VKORC1L1: variants seen among roughly 807,000 people sequenced by gnomAD.
VKORC1L1 encodes vitamin K epoxide reductase complex subunit 1-like protein 1.
Under a neutral mutation model 18.9 loss-of-function variants are expected in VKORC1L1, and 2 were observed. The ratio of observed to expected loss-of-function variants is 0.11; its 90% CI spans 0.04 to 0.33. The LOEUF (loss-of-function observed/expected upper bound fraction) is 0.33. VKORC1L1 is among the 10% of genes least tolerant of loss of function. The pLI is 1.00. For synonymous variants in VKORC1L1, 96 were observed against 100.0 expected, an observed-to-expected ratio of 0.96 and a Z score of 0.24; for missense variants, 123 against 224.1, an observed-to-expected ratio of 0.55 and a Z score of 2.88.
chr7:65,903,773 C>CAA (rs59067443), intron 1 of VKORC1L1, among the ~76,000 whole-genome samples: 10 of 113,202 alleles, frequency 8.8e-5, no homozygotes, highest in African/African-American at 3.4e-4. Flanking sequence ...GACCGTGTCT[C>CAA]AAAAAAAAAA....
intron 1 of VKORC1L1, among the ~76,000 whole-genome samples, chr7:65,899,777 A>T (rs1402306121): frequency 1.3e-5 from 2 of 152,212 alleles, no homozygotes; most frequent in East Asian, 3.9e-4. Flanking sequence ...AGACAGGCGG[A>T]TCATCTTAGG....
At chr7:65,937,889 T>G (rs1789969456) in intron 1 of VKORC1L1, among the ~76,000 whole-genome samples, 1 of 152,150 alleles carries the variant, frequency 6.6e-6, no homozygotes, top group East Asian at 1.9e-4. Flanking sequence ...ACATAAATTA[T>G]TTGATCTCCT....
chr7:65,912,969 G>T (rs1298958997), intron 1 of VKORC1L1, among the ~76,000 whole-genome samples: 1 of 152,146 alleles, frequency 6.6e-6, no homozygotes, highest in East Asian at 1.9e-4. Flanking sequence ...AACCCACTCT[G>T]AGTAGCACTG....
chr7:65,939,529 CTAT>C (rs1790000551), intron 1 of VKORC1L1, among the ~76,000 whole-genome samples: 1 of 152,162 alleles, frequency 6.6e-6, no homozygotes, highest in Admixed American at 6.5e-5. Context: ...AATTTTGGAC[CTAT>C]AAAGAGAAAA....
At chr7:65,911,641 C>T (rs1789504475) in intron 1 of VKORC1L1, among the ~76,000 whole-genome samples, 1 of 152,094 alleles carries the variant, frequency 6.6e-6, no homozygotes, top group South Asian at 2.1e-4. Context: ...CTATTTTGCC[C>T]AGGTTAGTCT....
At chr7:65,866,113 CAAA>C in the VKORC1L1 span, among the ~76,000 whole-genome samples, 1 of 149,560 alleles carries the variant, frequency 6.7e-6, no homozygotes, top group Non-Finnish European at 1.5e-5. Flanking sequence ...GACTCCGTCT[CAAA>C]AAAAAAATTA....
intron 1 of VKORC1L1, among the ~76,000 whole-genome samples, chr7:65,896,052 C>A (rs1789206308): frequency 6.6e-6 from 1 of 150,684 alleles, no homozygotes; most frequent in African/African-American, 2.4e-5. Flanking sequence ...CCCGCTACCA[C>A]ACTCGGCCAA....
chr7:65,871,351 G>A (rs549689739), upstream of VKORC1L1, among the ~76,000 whole-genome samples: 3 of 151,900 alleles, frequency 2.0e-5, no homozygotes, highest in South Asian at 4.2e-4. Flanking sequence ...ATGTGCCACC[G>A]CATCCGGCTA....
chr7:65,889,778 C>A, intron 1 of VKORC1L1, among the ~76,000 whole-genome samples: 1 of 152,070 alleles, frequency 6.6e-6, no homozygotes, highest in African/African-American at 2.4e-5. Context: ...TTTAGTTTTG[C>A]TATTTGAACT....
rs1788907875 is a variant in VKORC1L1 at position 65,880,391 on chromosome 7, G to A, written c.194+6826G>A. Among the ~76,000 whole-genome samples, 4 of 152,162 alleles carry A rather than the reference G, an allele frequency of 2.6e-5. No individual in the cohort carries two copies. The South Asian group carries it at 8.3e-4, about 31-fold the overall frequency. On this transcript the variant is annotated intron_variant, in intron 1 of 2. Transcript: ENST00000360768. ...TCCTGGAGTGTTTGCCTTCTAAGGT[G>A]TGAGGACGTGGTTTGTCACACCCAG...
chr7:65,869,338 A>C (rs1210253317), upstream of VKORC1L1, among the ~76,000 whole-genome samples: 4 of 152,140 alleles, frequency 2.6e-5, no homozygotes, highest in East Asian at 5.8e-4. Flanking sequence ...TAAATAAATA[A>C]AAATTGTAAA....
chr7:65,880,271 TATA>T (rs1788906558), intron 1 of VKORC1L1, among the ~76,000 whole-genome samples: 1 of 152,140 alleles, frequency 6.6e-6, no homozygotes, highest in South Asian at 2.1e-4. Context: ...GTGACAAAAA[TATA>T]TAGAGTTTGT....
upstream of VKORC1L1, among the ~76,000 whole-genome samples, chr7:65,872,973 C>T (rs1263320498): frequency 2.0e-5 from 3 of 147,726 alleles, no homozygotes; most frequent in Admixed American, 1.3e-4. Context: ...CGCCCCTCCC[C>T]ACCCCTGCCC....
At chr7:65,883,245 G>A (rs549432534) in intron 1 of VKORC1L1, among the ~76,000 whole-genome samples, 1 of 148,886 alleles carries the variant, frequency 6.7e-6, no homozygotes, top group African/African-American at 2.5e-5. Context: ...AGCTTCAAGC[G>A]ATTTTCCTGC....
At chr7:65,869,982 T>C (rs1421162990), upstream of VKORC1L1, among the ~76,000 whole-genome samples, 2 of 151,170 alleles carry the variant, frequency 1.3e-5, no homozygotes, top group Non-Finnish European at 3.0e-5. Flanking sequence ...AAGCTTTTGT[T>C]TTTTTTTTTC....
chr7:65,923,544 G>A (rs1043167825), intron 1 of VKORC1L1, among the ~76,000 whole-genome samples: 1 of 152,210 alleles, frequency 6.6e-6, no homozygotes, highest in Non-Finnish European at 1.5e-5. Context: ...ACAGAGAGCA[G>A]TGGCTGGAGC....
intron 1 of VKORC1L1, among the ~76,000 whole-genome samples, chr7:65,938,863 T>C (rs1489990049): frequency 6.6e-6 from 1 of 152,166 alleles, no homozygotes; most frequent in African/African-American, 2.4e-5. Flanking sequence ...CTCATGACTG[T>C]GTGGTCCTAG....
chr7:65,910,438 A>AGAATGT (rs1292278962), intron 1 of VKORC1L1, among the ~76,000 whole-genome samples: 6 of 152,198 alleles, frequency 3.9e-5, no homozygotes, highest in Admixed American at 3.9e-4. Flanking sequence ...GAACTACTCC[A>AGAATGT]GAATGTTTTC....
At chr7:65,868,848 G>A (rs1788692076), upstream of VKORC1L1, among the ~76,000 whole-genome samples, 2 of 152,190 alleles carry the variant, frequency 1.3e-5, no homozygotes, top group South Asian at 4.1e-4. Context: ...ATTTCCTATT[G>A]AGTACAATGT....
Sources: allele counts gnomAD v4.1 joint callset (sites outside exome capture counted in the v4.1 genomes callset), GRCh38; gene constraint gnomAD v4.1.1; transcripts MANE v1.5; gene names NCBI Gene and HGNC (gene_info 2026-07-23, HGNC 2026-07-21).